The following MED12L variants were observed in gnomAD, a reference collection of about 807,000 sequenced individuals.
The protein encoded by MED12L is mediator of RNA polymerase II transcription subunit 12-like protein.
MED12L carries 60 observed loss-of-function variants against 281.3 expected under a neutral mutation model. That is an observed-to-expected ratio of 0.21 (90% confidence interval 0.17 to 0.26). The LOEUF is 0.26. Among genes scored for constraint, MED12L ranks in the 10% least tolerant of loss-of-function variants. MED12L has a pLI of 1.00. For missense variants in MED12L, 2,146 were observed against 2,680.9 expected (o/e 0.80, Z 4.41); for synonymous variants, 974 against 987.2 (o/e 0.99, Z 0.25).
At chr3:151,133,799 A>G (rs1346018338) in intron 5 of MED12L, among the ~76,000 whole-genome samples, 1 of 152,250 alleles carries the variant, frequency 6.6e-6, no homozygotes, top group Non-Finnish European at 1.5e-5. Context: ...AGAGAAAATT[A>G]TTTAAAACAG....
chr3:151,087,107 C>T (rs1719341568), intron 2 of MED12L, 82 bp downstream of exon 2: 6 of 1,162,918 alleles, frequency 5.2e-6, no homozygotes, highest in Non-Finnish European at 7.2e-6. Flanking sequence ...CAGCGGGCAT[C>T]GCCGGCGCTG....
At chr3:151,122,463 G>C (rs1560068837) in intron 3 of MED12L, among the ~76,000 whole-genome samples, 1 of 152,180 alleles carries the variant, frequency 6.6e-6, no homozygotes, top group Non-Finnish European at 1.5e-5. Context: ...AGGAGAAAGA[G>C]CAGCTGAAGG....
chr3:151,116,106 C>T (rs1478639256), intron 2 of MED12L, among the ~76,000 whole-genome samples: 1 of 150,556 alleles, frequency 6.6e-6, no homozygotes, highest in African/African-American at 2.4e-5. Context: ...TAAGGAATAC[C>T]CATATACTCT....
intron 2 of MED12L, among the ~76,000 whole-genome samples, chr3:151,093,974 A>G (rs928377190): frequency 1.3e-5 from 2 of 152,170 alleles, no homozygotes; most frequent in Admixed American, 6.5e-5. Flanking sequence ...GGACCACACA[A>G]TGAGATCTGG....
At chr3:151,192,029 G>GTTCA (rs1412496325) in intron 14 of MED12L, among the ~76,000 whole-genome samples, 2 of 152,154 alleles carry the variant, frequency 1.3e-5, no homozygotes, top group African/African-American at 4.8e-5. Context: ...TGGATTCATA[G>GTTCA]TTCATACTGT....
At chr3:151,160,803 C>A (rs1282384964) in intron 8 of MED12L, among the ~76,000 whole-genome samples, 1 of 152,170 alleles carries the variant, frequency 6.6e-6, no homozygotes, top group Admixed American at 6.5e-5. Context: ...TGGGGAGATA[C>A]ACAGGGGGCC....
intron 16 of MED12L, among the ~76,000 whole-genome samples, chr3:151,248,659 C>T (rs546991951): frequency 3.9e-5 from 6 of 152,028 alleles, no homozygotes; most frequent in African/African-American, 1.4e-4. Flanking sequence ...CATGCCTTAT[C>T]AAATTAAAAA....
intron 4 of MED12L, among the ~76,000 whole-genome samples, chr3:151,125,444 A>G (rs928783733): frequency 5.3e-5 from 8 of 152,154 alleles, no homozygotes; most frequent in Admixed American, 2.6e-4. Context: ...ACATTTCACA[A>G]ATTCAGATGT....
Position 151,342,360 on chromosome 3 carries a change from G to A in MED12L, c.2251-7699G>A, listed in dbSNP as rs141070654. Among the ~76,000 whole-genome samples, 5 of 152,306 alleles carry A rather than the reference G, an allele frequency of 3.3e-5. No individual in the cohort carries two copies. In the East Asian group the frequency reaches 5.8e-4, roughly 18 times the overall value. ...GTGTTGGTGCCTTTGCTGTGAACACGTTTTGGTTTTTTCTTCTGCGTTTTG... is the reference window on the plus strand; with the variant it reads ...GTGTTGGTGCCTTTGCTGTGAACACATTTTGGTTTTTTCTTCTGCGTTTTG... On this transcript the variant is annotated intron_variant, in intron 16 of 44. Transcript: ENST00000687756.
intron 16 of MED12L, among the ~76,000 whole-genome samples, chr3:151,228,087 C>G (rs1431848538): frequency 6.6e-6 from 1 of 152,134 alleles, no homozygotes; most frequent in East Asian, 1.9e-4. Flanking sequence ...AATAACTCAT[C>G]AGCAGTAAGT....
chr3:151,301,193 AACT>A (rs1745872267), intron 16 of MED12L, among the ~76,000 whole-genome samples: 1 of 152,134 alleles, frequency 6.6e-6, no homozygotes, highest in Non-Finnish European at 1.5e-5. Flanking sequence ...AAAGAGGTAA[AACT>A]CTACTTTCTT....
At chr3:151,380,800 C>G (rs539898818) in intron 32 of MED12L, among the ~76,000 whole-genome samples, 1 of 152,106 alleles carries the variant, frequency 6.6e-6, no homozygotes, top group South Asian at 2.1e-4. Context: ...ACTATCTGCC[C>G]GTCTCCTAAC....
chr3:151,277,205 C>T (rs940189825), intron 16 of MED12L, among the ~76,000 whole-genome samples: 3 of 151,400 alleles, frequency 2.0e-5, no homozygotes, highest in Non-Finnish European at 4.4e-5. Context: ...TGCCTGGCCT[C>T]CTTGTTTTTT....
intron 43 of MED12L, among the ~76,000 whole-genome samples, chr3:151,422,681 AC>A (rs1718388010): frequency 6.6e-6 from 1 of 152,192 alleles, no homozygotes; most frequent in Non-Finnish European, 1.5e-5. Context: ...ACTGGGTGTT[AC>A]GACTCCAGCA....
chr3:151,138,270 C>G (rs1439751243), intron 5 of MED12L, among the ~76,000 whole-genome samples: 2 of 151,812 alleles, frequency 1.3e-5, no homozygotes, highest in African/African-American at 2.4e-5. Context: ...GGATGTACCA[C>G]AGTTTGGCCA....
At chr3:151,276,335 A>G (rs1741849845) in intron 16 of MED12L, among the ~76,000 whole-genome samples, 1 of 152,200 alleles carries the variant, frequency 6.6e-6, no homozygotes, top group African/African-American at 2.4e-5. Context: ...GCTCTATCCA[A>G]ACAAACTTGG....
chr3:151,380,286 C>A, intron 32 of MED12L, 62 bp downstream of exon 32: 1 of 1,121,156 alleles, frequency 8.9e-7, no homozygotes, highest in Non-Finnish European at 1.3e-6. Flanking sequence ...ATTTATTTGC[C>A]TTTCAAATAC....
At chr3:151,100,318 C>T (rs999685276) in intron 2 of MED12L, among the ~76,000 whole-genome samples, 1 of 152,184 alleles carries the variant, frequency 6.6e-6, no homozygotes, top group Non-Finnish European at 1.5e-5. Flanking sequence ...GCAACTGCCT[C>T]CTTGTTGTCA....
intron 11 of MED12L, among the ~76,000 whole-genome samples, chr3:151,177,758 G>A (rs1560123573): frequency 6.6e-6 from 1 of 151,974 alleles, no homozygotes; most frequent in Admixed American, 6.5e-5. Flanking sequence ...TTCCCAAAGT[G>A]TTGGGATTAC....
Sources: allele counts gnomAD v4.1 joint callset (sites outside exome capture counted in the v4.1 genomes callset), GRCh38; gene constraint gnomAD v4.1.1; transcripts MANE v1.5; gene names NCBI Gene and HGNC (gene_info 2026-07-23, HGNC 2026-07-21).